Variants in MARCHF4 observed in about 807,000 individuals in gnomAD.
MARCHF4 encodes membrane associated ring-CH-type finger 4.
Under a neutral mutation model 43.9 loss-of-function variants are expected in MARCHF4, and 14 were observed. The ratio of observed to expected loss-of-function variants is 0.32; its 90% CI spans 0.21 to 0.50. MARCHF4 has a LOEUF of 0.50. Among genes scored for constraint, MARCHF4 ranks in the 20% least tolerant of loss-of-function variants. The pLI, the probability that MARCHF4 is intolerant of heterozygous loss-of-function variation, is 0.98. For missense variants in MARCHF4, 468 were observed against 536.7 expected, an observed-to-expected ratio of 0.87 and a Z score of 1.27; for synonymous variants, 226 against 213.3, an observed-to-expected ratio of 1.06 and a Z score of -0.52.
At chr2:216,316,065 T>C (rs1238402532) in intron 1 of MARCHF4, among the ~76,000 whole-genome samples, 1 of 152,224 alleles carries the variant, frequency 6.6e-6, no homozygotes, top group Non-Finnish European at 1.5e-5. Flanking sequence ...TGCTCAATGT[T>C]TTCTCTTTTC....
At chr2:216,322,633 C>A (rs1691917910) in intron 1 of MARCHF4, among the ~76,000 whole-genome samples, 1 of 152,278 alleles carries the variant, frequency 6.6e-6, no homozygotes, top group Middle Eastern at 3.4e-3. Flanking sequence ...ACCAGCCTGG[C>A]CAACATGGCG....
chr2:216,366,725 C>T (rs1194067793), intron 1 of MARCHF4, among the ~76,000 whole-genome samples: 2 of 152,128 alleles, frequency 1.3e-5, no homozygotes, highest in African/African-American at 4.8e-5. Flanking sequence ...TTCCCACTGC[C>T]TCCCTTTCAT....
intron 3 of MARCHF4, among the ~76,000 whole-genome samples, chr2:216,261,897 C>T (rs565802120): frequency 6.6e-6 from 1 of 152,260 alleles, no homozygotes; most frequent in Non-Finnish European, 1.5e-5. Flanking sequence ...GAAGCAAGAC[C>T]AGCAAGTGTG....
intron 1 of MARCHF4, among the ~76,000 whole-genome samples, chr2:216,332,856 A>G (rs542752542): frequency 2.6e-5 from 4 of 152,370 alleles, no homozygotes; most frequent in African/African-American, 9.6e-5. Flanking sequence ...ATAGATCCAC[A>G]TACACGGATA....
At chr2:216,260,943 A>G (rs1274774217) in intron 3 of MARCHF4, among the ~76,000 whole-genome samples, 1 of 152,216 alleles carries the variant, frequency 6.6e-6, no homozygotes, top group Non-Finnish European at 1.5e-5. Context: ...GTGTGCTGGA[A>G]GTAGAGCTGA....
At chr2:216,320,667 CTTTCTTTCTT>C (rs780470845) in intron 1 of MARCHF4, among the ~76,000 whole-genome samples, 985 of 85,678 alleles carry the variant, frequency 0.011, 13 homozygotes, top group Middle Eastern at 0.027. Flanking sequence ...TTCTTTCTTT[CTTTCTTTCTT>C]TTTTTTTTTT....
intron 1 of MARCHF4, among the ~76,000 whole-genome samples, chr2:216,300,346 A>ATACACATATATATACGTATATATATATG (rs1559093169): frequency 1.4e-5 from 2 of 142,456 alleles, no homozygotes; most frequent in African/African-American, 5.4e-5. Context: ...CGATATATAT[A>ATACACATATATATACGTATATATATATG]TATGTATATA....
rs1313356286 is a variant in MARCHF4, at chr2:216,329,724, G to A, written c.516+40021C>T. Among the ~76,000 whole-genome samples the A allele has an allele frequency of 4.0e-5, 6 of 150,226 alleles. No homozygotes were observed. The Admixed American group carries it at 4.0e-4, about 10-fold the overall frequency. ...AAACGGACTACTTCAATGAAAATAC[G>A]AATACGGTCATGCTAGATAAAATAT... On this transcript the variant is annotated intron_variant, in intron 1 of 3. Transcript: ENST00000273067.
At chr2:216,269,544 T>C (rs1250657902) in intron 3 of MARCHF4, among the ~76,000 whole-genome samples, 2 of 152,228 alleles carry the variant, frequency 1.3e-5, no homozygotes, top group Non-Finnish European at 2.9e-5. Context: ...GCGATCTCTA[T>C]ATCTAGGCTG....
chr2:216,262,454 G>T (rs560507012), intron 3 of MARCHF4, among the ~76,000 whole-genome samples: 1 of 152,202 alleles, frequency 6.6e-6, no homozygotes, highest in South Asian at 2.1e-4. Flanking sequence ...ATGGAGCCCA[G>T]GCTGGGGATG....
At chr2:216,287,967 T>G (rs911113618) in intron 1 of MARCHF4, among the ~76,000 whole-genome samples, 14 of 152,264 alleles carry the variant, frequency 9.2e-5, no homozygotes, top group Non-Finnish European at 1.9e-4. Context: ...TAAGGATTTT[T>G]TTTTTCCTTT....
chr2:216,340,103 C>T (rs1481199244), intron 1 of MARCHF4, among the ~76,000 whole-genome samples: 2 of 152,086 alleles, frequency 1.3e-5, no homozygotes, highest in African/African-American at 4.8e-5. Flanking sequence ...CAAGCCCTCG[C>T]CCCAAACAAA....
At chr2:216,326,368 G>C (rs1574478296) in intron 1 of MARCHF4, among the ~76,000 whole-genome samples, 1 of 148,418 alleles carries the variant, frequency 6.7e-6, no homozygotes, top group East Asian at 2.0e-4. Flanking sequence ...TGGTGGGACT[G>C]TAAACTAGTT....
At chr2:216,322,972 C>T (rs1691925868) in intron 1 of MARCHF4, among the ~76,000 whole-genome samples, 1 of 152,152 alleles carries the variant, frequency 6.6e-6, no homozygotes, top group Non-Finnish European at 1.5e-5. Flanking sequence ...TGTAATTTTT[C>T]TTGGAAAGAA....
rs190919632 is a variant in MARCHF4, at chr2:216,337,739, T to C, written c.516+32006A>G. Among the ~76,000 whole-genome samples, 12 of 152,318 alleles carry C rather than the reference T, an allele frequency of 7.9e-5. No homozygotes were observed. In the East Asian group the frequency reaches 2.3e-3, roughly 29 times the overall value. ...GGTCTTTCCCTTCCCTTCTTTAAAT[T>C]TGGTTAGCGACCTACTACTTCTAGA... is the stretch of plus-strand genomic sequence containing the variant. On this transcript the variant is annotated intron_variant, in intron 1 of 3. Transcript: ENST00000273067.
At chr2:216,352,750 T>C (rs971202792) in intron 1 of MARCHF4, among the ~76,000 whole-genome samples, 9 of 152,232 alleles carry the variant, frequency 5.9e-5, no homozygotes, top group Non-Finnish European at 1.0e-4. Context: ...ATATCTCATC[T>C]TGTGAGAAGC....
rs556967713 is a variant in MARCHF4, at chr2:216,258,726, A to G, written c.*586T>C. 6.5e-6 allele frequency: 1 copy of G among 152,746 alleles called. No individual in the cohort carries two copies. Among genetic ancestry groups the G allele is most frequent in the African/African-American group, 2.4e-5 (1 of 41,494 alleles). The allele number at this position is 152,746 out of a possible 1,614,324, so 9.5% of individuals were successfully genotyped here. ...GCTCACACCAGCATATCCCTCCCTG[A>G]GCATCCCTCCCTGACCATCCACCCC... On this transcript the variant is annotated 3_prime_UTR_variant, in exon 4 of 4. Coordinates refer to ENST00000273067, the MANE Select transcript of MARCHF4 (RefSeq NM_020814.3).
In MARCHF4 at chr2:216,322,588, G is replaced by A. The variant is rs537480363; in HGVS notation, c.517-38859C>T. 2.8e-3 allele frequency among the ~76,000 whole-genome samples: 425 copies of A among 152,328 alleles called. 2 individuals are homozygous for A. Among genetic ancestry groups the A allele is most frequent in the African/African-American group, 9.8e-3 (407 of 41,578 alleles). ...TGTAATCTCAACACTTTGGGAGGCCGAGGCAGGCGGATCACCTGAGATCAG... is the reference window on the plus strand; with the variant it reads ...TGTAATCTCAACACTTTGGGAGGCCAAGGCAGGCGGATCACCTGAGATCAG... On this transcript the variant is annotated intron_variant, in intron 1 of 3. Coordinates refer to ENST00000273067, the MANE Select transcript of MARCHF4 (RefSeq NM_020814.3).
intron 1 of MARCHF4, among the ~76,000 whole-genome samples, chr2:216,290,768 G>T (rs1383851671): frequency 6.6e-6 from 1 of 152,148 alleles, no homozygotes; most frequent in Non-Finnish European, 1.5e-5. Context: ...ATTGGATGTG[G>T]TAAGGAGAGA....
Sources: gnomAD v4.1 joint callset for allele counts (sites outside exome capture counted in the v4.1 genomes callset) on GRCh38, gnomAD v4.1.1 for gene constraint, MANE v1.5 for transcripts, NCBI Gene and HGNC (gene_info 2026-07-23, HGNC 2026-07-21) for gene names.